The following UNC5A variants were observed in gnomAD, a reference collection of about 807,000 sequenced individuals.
UNC5A encodes netrin receptor UNC5A.
A neutral mutation model predicts 87.4 loss-of-function variants in UNC5A; 20 were observed. That is an observed-to-expected ratio of 0.23 (90% CI 0.16 to 0.33). The LOEUF is 0.33. UNC5A is among the 10% of genes least tolerant of loss of function. The pLI, the probability that UNC5A is intolerant of heterozygous loss-of-function variation, is 1.00. For missense variants in UNC5A, 844 were observed against 1,133.4 expected (o/e 0.74, Z 3.67); for synonymous variants, 438 against 482.3 (o/e 0.91, Z 1.20).
chr5:176,857,321 T>C (rs1186749124), intron 1 of UNC5A, among the ~76,000 whole-genome samples: 3 of 152,228 alleles, frequency 2.0e-5, no homozygotes, highest in Non-Finnish European at 4.4e-5. Flanking sequence ...TAATTATTTG[T>C]TGAATGGATA....
rs1189222233 is a variant in UNC5A, at chr5:176,865,277, C to G, written c.292+2432C>G. ...CAGCCCCCTGCTGCTCCCAGCACCC[C>G]CTTCCGGGCTCCCCCGCACACCCCT... On this transcript the variant is annotated intron_variant, in intron 2 of 14. Coordinates refer to ENST00000329542, the MANE Select transcript of UNC5A (RefSeq NM_133369.3). The surrounding 1 kb of genome is among the most constrained non-coding windows in gnomAD (Gnocchi z 5.3). 6.6e-6 allele frequency among the ~76,000 whole-genome samples: 1 copy of G among 152,232 alleles called. No homozygotes were observed. Among genetic ancestry groups the G allele is most frequent in the Non-Finnish European group, 1.5e-5 (1 of 68,036 alleles).
intron 1 of UNC5A, among the ~76,000 whole-genome samples, chr5:176,811,926 A>C (rs1373271668): frequency 6.6e-6 from 1 of 152,126 alleles, no homozygotes; most frequent in African/African-American, 2.4e-5. Context: ...TCAGAGATCA[A>C]TGAGTGGGAG....
chr5:176,878,989 G>T (rs1194624978), intron 13 of UNC5A, among the ~76,000 whole-genome samples: 4 of 152,194 alleles, frequency 2.6e-5, no homozygotes, highest in Non-Finnish European at 5.9e-5. Flanking sequence ...AGCTGGGCAG[G>T]GGGGACTCAG....
In UNC5A at chr5:176,813,201, G is replaced by T. The variant is rs1756511333; in HGVS notation, c.70+2381G>T. 3.9e-5 allele frequency among the ~76,000 whole-genome samples: 6 copies of T among 152,320 alleles called. No homozygotes were observed. The South Asian group carries it at 1.2e-3, about 32-fold the overall frequency. ...TCAAACCCCGTCACGCAGCTGGCAT[G>T]CAAACCCCCACCCTGCCCCTGTGGT... On this transcript the variant is annotated intron_variant, in intron 1 of 14. Coordinates refer to ENST00000329542, the MANE Select transcript of UNC5A (RefSeq NM_133369.3).
chr5:176,834,352 G>A (rs190595539), intron 1 of UNC5A, among the ~76,000 whole-genome samples: 1 of 152,102 alleles, frequency 6.6e-6, no homozygotes, highest in East Asian at 1.9e-4. Flanking sequence ...GGACCGATCT[G>A]TCTCCCTGTC....
At chr5:176,817,040 T>C (rs1756604517) in intron 1 of UNC5A, among the ~76,000 whole-genome samples, 1 of 152,078 alleles carries the variant, frequency 6.6e-6, no homozygotes. Flanking sequence ...GAAGTCTGAG[T>C]GGCAGCTGCT....
At position 176,831,871 on chromosome 5, in the gene UNC5A, C is replaced by G. The variant is rs527476704; in HGVS notation, c.70+21051C>G. On this transcript the variant is annotated intron_variant, in intron 1 of 14. Transcript: ENST00000329542. ...TCTCCTAAGCACTTTCACTTTCACA[C>G]ACTTTCTCTCTCTCTTTTTTTTTTT... 3.5e-4 allele frequency among the ~76,000 whole-genome samples: 50 copies of G among 144,696 alleles called. 2 individuals carry two copies. In the South Asian group the frequency reaches 9.9e-3, roughly 29 times the overall value. 94.9% of individuals were successfully genotyped at this position (144,696 alleles called of 152,430 possible).
rs1209050300 is a variant in UNC5A, at chr5:176,879,403, C to T, written c.2278C>T (p.Arg760Trp). The change falls in exon 14 of 15, where the codon CGG (arginine) becomes TGG (tryptophan). Residue 760 changes from arginine (R) to tryptophan (W), a missense_variant. Transcript: ENST00000329542. ...PSAFKIPFLI[R>W]QKIISSLDPP... ...TGCCTTCAAGATCCCCTTCCTCATT[C>T]GGCAGAAGATAATTTCCAGCCTGGA... is the stretch of plus-strand genomic sequence containing the variant. 5 of 1,612,792 alleles carry T rather than the reference C, an allele frequency of 3.1e-6. No individual in the cohort carries two copies. Among genetic ancestry groups the T allele is most frequent in the African/African-American group, 1.3e-5 (1 of 74,912 alleles).
chr5:176,873,975 T>G lies in UNC5A; in HGVS notation c.894T>G (p.Ser298=). 6.2e-7 allele frequency: 1 copy of G among 1,613,192 alleles called. No homozygotes were observed. Among genetic ancestry groups the G allele is most frequent in the Non-Finnish European group, 8.5e-7 (1 of 1,179,636 alleles). The part of the protein sequence containing the change: ...CTSDLCVHTA[S]GPEDVALYVG... ...CCATGCTGTCTCCCGCAGCTGCTTC[T>G]GGCCCTGAGGACGTGGCCCTCTATG... Residue 298 remains serine (S), a synonymous_variant, in exon 7 of 15, where the codon TCT becomes TCG. Transcript: ENST00000329542.
intron 6 of UNC5A, 49 bp from the exon 7 acceptor site, chr5:176,873,919 C>T (rs1253830494): frequency 1.7e-5 from 27 of 1,581,924 alleles, no homozygotes; most frequent in Non-Finnish European, 2.2e-5. Flanking sequence ...CCTCTCCTTC[C>T]CAGACTCCTA....
intron 6 of UNC5A, among the ~76,000 whole-genome samples, chr5:176,873,363 T>A (rs1174354742): frequency 6.6e-6 from 1 of 152,186 alleles, no homozygotes; most frequent in Non-Finnish European, 1.5e-5. Context: ...ATTCTTTCAA[T>A]TAAAAACCTA....
At chr5:176,812,863 T>C (rs1422882625) in intron 1 of UNC5A, among the ~76,000 whole-genome samples, 1 of 152,152 alleles carries the variant, frequency 6.6e-6, no homozygotes, top group African/African-American at 2.4e-5. Flanking sequence ...CCACAGGCAC[T>C]GGGCACATGT....
chr5:176,814,535 C>G (rs1248849223), intron 1 of UNC5A, among the ~76,000 whole-genome samples: 1 of 152,220 alleles, frequency 6.6e-6, no homozygotes, highest in South Asian at 2.1e-4. Flanking sequence ...AATCCCTGCA[C>G]TGTGAAACCC....
intron 1 of UNC5A, among the ~76,000 whole-genome samples, chr5:176,828,058 C>A (rs1358849359): frequency 6.6e-6 from 1 of 152,046 alleles, no homozygotes; most frequent in African/African-American, 2.4e-5. Flanking sequence ...CCTCTGCAAG[C>A]CCCCTTTTGT....
At chr5:176,829,269 C>CTGGG (rs1756934961) in intron 1 of UNC5A, among the ~76,000 whole-genome samples, 1 of 124,030 alleles carries the variant, frequency 8.1e-6, no homozygotes, top group Admixed American at 7.7e-5. Context: ...GGATGGGTGG[C>CTGGG]TGGATGGATG....
Position 176,847,832 on chromosome 5 carries a change from C to G in UNC5A, c.71-14792C>G, listed in dbSNP as rs1232443322. On this transcript the variant is annotated intron_variant, in intron 1 of 14. Transcript: ENST00000329542. ...AGAGGCCCCTGGCCCTCCCCTCCCC[C>G]CGTGTCCCCCTTCCTCTTTACCCTC... Among the ~76,000 whole-genome samples, 4 of 152,224 alleles carry G rather than the reference C, an allele frequency of 2.6e-5. No individual in the cohort carries two copies. In the East Asian group the frequency reaches 7.7e-4, roughly 29 times the overall value.
chr5:176,829,969 G>A (rs1756959840), intron 1 of UNC5A, among the ~76,000 whole-genome samples: 1 of 143,256 alleles, frequency 7.0e-6, no homozygotes, highest in East Asian at 2.2e-4. Context: ...CCACCTCTCT[G>A]GTTCAAGCAA....
intron 1 of UNC5A, among the ~76,000 whole-genome samples, chr5:176,849,751 C>T (rs2113633820): frequency 6.6e-6 from 1 of 152,232 alleles, no homozygotes; most frequent in South Asian, 2.1e-4. Context: ...GGCCACGTGG[C>T]CAGGTGGAGG....
intron 1 of UNC5A, among the ~76,000 whole-genome samples, chr5:176,830,584 G>A (rs1211048882): frequency 6.9e-6 from 1 of 145,468 alleles, no homozygotes; most frequent in African/African-American, 2.6e-5. Context: ...GTGTGTGCGC[G>A]TGCTGGTGTG....
Sources: gnomAD v4.1 joint callset for allele counts (sites outside exome capture counted in the v4.1 genomes callset) on GRCh38, gnomAD v4.1.1 for gene constraint, Gnocchi (gnomAD v3.1) non-coding constraint, MANE v1.5 for transcripts, NCBI Gene and HGNC (gene_info 2026-07-23, HGNC 2026-07-21) for gene names.